SEMA4D: variants seen among roughly 807,000 people sequenced by gnomAD.
The protein encoded by SEMA4D is semaphorin 4D, also known as semaphorin-4D.
SEMA4D carries 22 observed loss-of-function variants against 74.8 expected under a neutral mutation model. That is an observed-to-expected ratio of 0.29 (90% confidence interval 0.21 to 0.42). SEMA4D has a LOEUF of 0.42. Ranked by LOEUF, SEMA4D falls within the 10% of genes least tolerant of loss-of-function variation. SEMA4D has a pLI of 1.00. For synonymous variants in SEMA4D, 445 were observed against 463.7 expected, an observed-to-expected ratio of 0.96 and a Z score of 0.52; for missense variants, 937 against 1,118.4, an observed-to-expected ratio of 0.84 and a Z score of 2.31.
intron 2 of SEMA4D, among the ~76,000 whole-genome samples, chr9:89,454,870 G>A (rs1366025663): frequency 6.6e-6 from 1 of 152,254 alleles, no homozygotes; most frequent in Non-Finnish European, 1.5e-5. Context: ...ACAGGACTCT[G>A]CCCAGGCGTG....
At chr9:89,396,183 A>T (rs1047502414) in intron 6 of SEMA4D, among the ~76,000 whole-genome samples, 6 of 152,096 alleles carry the variant, frequency 3.9e-5, no homozygotes, top group Non-Finnish European at 5.9e-5. Flanking sequence ...TGGACCCAGG[A>T]GTGGTTCAGT....
At position 89,379,297 on chromosome 9, in the gene SEMA4D, T is replaced by C. The variant is rs1836463730; in HGVS notation, c.1996A>G (p.Ser666Gly). The change falls in exon 16 of 16, where the codon AGT (serine) becomes GGT (glycine). Residue 666 changes from serine to glycine, a missense_variant. Transcript: ENST00000422704. ...PTLSVVQTEGSRIATKVLVAS... is the reference protein window; with the variant it reads ...PTLSVVQTEGGRIATKVLVAS... ...ACCAACACTTTGGTGGCAATCCTAC[T>C]ACCTTCTGTCTGAACAACTGACAAG... is the stretch of plus-strand genomic sequence containing the variant. The C allele has an allele frequency of 6.2e-7, 1 of 1,614,080 alleles. No homozygotes were observed. Among genetic ancestry groups the C allele is most frequent in the Non-Finnish European group, 8.5e-7 (1 of 1,180,032 alleles).
In SEMA4D at chr9:89,363,925, C is replaced by T. The variant is rs759745653; in HGVS notation, c.1908G>A (p.Trp636Ter). The change falls in exon 17 of 19, where the codon TGG becomes TGA. Residue 636 changes from tryptophan (W) to a stop codon, truncating the protein, a stop_gained. Transcript: ENST00000339861. LOFTEE classifies it high-confidence loss of function. ...TCTCCAGAGCTCGCCCATTCTTCTC[C>T]CAGACAAAGCGAATGTCTGCAGGAC... is the stretch of plus-strand genomic sequence containing the variant. The T allele has an allele frequency of 1.5e-5, 24 of 1,614,102 alleles. No homozygotes were observed. Among genetic ancestry groups the T allele is most frequent in the Non-Finnish European group, 2.0e-5 (24 of 1,180,030 alleles).
At chr9:89,428,698 G>A (rs947261222) in intron 2 of SEMA4D, among the ~76,000 whole-genome samples, 1 of 152,196 alleles carries the variant, frequency 6.6e-6, no homozygotes, top group African/African-American at 2.4e-5. Context: ...CAGGGCAATG[G>A]CCCCCGGCCC....
At chr9:89,414,971 GT>G (rs1226977058) in intron 2 of SEMA4D, among the ~76,000 whole-genome samples, 1 of 152,266 alleles carries the variant, frequency 6.6e-6, no homozygotes, top group Non-Finnish European at 1.5e-5. Context: ...GGCGGTGGGA[GT>G]GAAGAACACA....
At chr9:89,444,980 G>A (rs746425331) in intron 2 of SEMA4D, among the ~76,000 whole-genome samples, 1 of 152,074 alleles carries the variant, frequency 6.6e-6, no homozygotes, top group East Asian at 1.9e-4. Context: ...CACAACAGGC[G>A]ATTCACAGAA....
At chr9:89,439,147 A>C (rs755882258) in intron 2 of SEMA4D, among the ~76,000 whole-genome samples, 3 of 151,542 alleles carry the variant, frequency 2.0e-5, no homozygotes, top group Admixed American at 6.6e-5. Context: ...ACGCCCGGCT[A>C]ATTTTTGTAT....
chr9:89,469,270 G>A (rs1859551689), intron 1 of SEMA4D, among the ~76,000 whole-genome samples: 1 of 152,182 alleles, frequency 6.6e-6, no homozygotes, highest in Admixed American at 6.5e-5. Flanking sequence ...AAACAGGAAA[G>A]AAATAGAATA....
At position 89,378,898 on chromosome 9, in the gene SEMA4D, A is replaced by G. The variant is rs1291589145; in HGVS notation, c.2395T>C (p.Phe799Leu). 8.7e-6 allele frequency: 14 copies of G among 1,614,150 alleles called. No homozygotes were observed. Among genetic ancestry groups the G allele is most frequent in the Non-Finnish European group, 1.2e-5 (14 of 1,180,028 alleles). The change falls in exon 16 of 16, where the codon TTC (phenylalanine) becomes CTC (leucine). Residue 799 changes from phenylalanine (F) to leucine (L), a missense_variant. By Grantham distance (22) the Phe-to-Leu change is conservative. Transcript: ENST00000422704. ...GGGTGCTCCCCATTCTGCTGGGAGA[A>G]GCTCCCTGGCTCTACTAACGTCTCC... ...LKETLVEPGS[F>L]SQQNGEHPKP...
At chr9:89,448,957 C>G (rs1303860390) in intron 2 of SEMA4D, among the ~76,000 whole-genome samples, 1 of 152,222 alleles carries the variant, frequency 6.6e-6, no homozygotes, top group Non-Finnish European at 1.5e-5. Flanking sequence ...TGGGGCTCAT[C>G]ACAAACCATC....
intron 16 of SEMA4D, chr9:89,369,597 C>A (rs961076990): frequency 4.6e-5 from 7 of 152,218 alleles, no homozygotes; most frequent in Non-Finnish European, 7.3e-5. Context: ...CATCGCCATT[C>A]ATCGCTATTG....
chr9:89,454,246 G>A (rs1446957971), intron 2 of SEMA4D, among the ~76,000 whole-genome samples: 3 of 152,160 alleles, frequency 2.0e-5, no homozygotes, highest in Non-Finnish European at 2.9e-5. Context: ...TTCTAAAGGG[G>A]ATGCAAGGAC....
chr9:89,448,042 C>A (rs1853404109), intron 2 of SEMA4D, among the ~76,000 whole-genome samples: 1 of 152,180 alleles, frequency 6.6e-6, no homozygotes, highest in Non-Finnish European at 1.5e-5. Context: ...CGCTGGGGTA[C>A]AAGCTCACTG....
At chr9:89,459,536 G>C (rs73488261) in intron 1 of SEMA4D, among the ~76,000 whole-genome samples, 1,593 of 152,280 alleles carry the variant, frequency 0.01, 23 homozygotes, top group African/African-American at 0.036. Flanking sequence ...AGGGTGTTGG[G>C]GGGGAGTCTT....
At chr9:89,386,927 C>G (rs1281462798) in intron 12 of SEMA4D, among the ~76,000 whole-genome samples, 3 of 152,204 alleles carry the variant, frequency 2.0e-5, no homozygotes, top group Non-Finnish European at 4.4e-5. Flanking sequence ...GCTCCTGGCC[C>G]CTGTCCCTGT....
intron 17 of SEMA4D, chr9:89,363,554 C>A (rs747942399): frequency 6.2e-7 from 1 of 1,613,246 alleles, no homozygotes; most frequent in Admixed American, 1.7e-5. Context: ...GTCCCCAGGT[C>A]AAAGCTCTGT....
downstream of SEMA4D, chr9:89,376,830 C>T (rs1281353719): frequency 1.9e-6 from 3 of 1,547,154 alleles, no homozygotes; most frequent in East Asian, 2.5e-5. Flanking sequence ...GGGCCCAACT[C>T]ACCTGTGGCC....
chr9:89,384,742 A>G, intron 13 of SEMA4D: 1 of 985,424 alleles, frequency 1.0e-6, no homozygotes, highest in Non-Finnish European at 1.2e-6. Flanking sequence ...GCTGTAGGAC[A>G]GGGGGAGGGC....
At chr9:89,421,097 G>A (rs1332399283) in intron 2 of SEMA4D, among the ~76,000 whole-genome samples, 2 of 152,186 alleles carry the variant, frequency 1.3e-5, no homozygotes, top group Non-Finnish European at 2.9e-5. Context: ...CACACACGGG[G>A]GATCGGGGCT....
Sources: allele counts gnomAD v4.1 joint callset (sites outside exome capture counted in the v4.1 genomes callset), GRCh38; gene constraint gnomAD v4.1.1; transcripts MANE v1.5; gene names NCBI Gene and HGNC (gene_info 2026-07-23, HGNC 2026-07-21).